The following SOX6 variants were observed in gnomAD, a reference collection of about 807,000 sequenced individuals.
SOX6 encodes the protein transcription factor SOX-6.
SOX6 carries 11 observed loss-of-function variants against 97.8 expected under a neutral mutation model. The observed-to-expected ratio is 0.11, with a 90% CI of 0.07 to 0.19. The LOEUF (loss-of-function observed/expected upper bound fraction) is 0.19. SOX6 is among the 10% of genes least tolerant of loss of function. The probability of loss-of-function intolerance (pLI) is 1.00; values close to 1 mark genes in which losing one functional copy is unlikely to be tolerated. For synonymous variants in SOX6, 360 were observed against 371.4 expected, an observed-to-expected ratio of 0.97 and a Z score of 0.35; for missense variants, 810 against 1,039.5, an observed-to-expected ratio of 0.78 and a Z score of 3.04.
At chr11:16,418,588 C>A (rs912192465) in intron 1 of SOX6, among the ~76,000 whole-genome samples, 6 of 152,100 alleles carry the variant, frequency 3.9e-5, no homozygotes, top group Non-Finnish European at 7.4e-5. Context: ...TGGCAGAGTT[C>A]CCCACATATT....
chr11:16,310,740 A>G (rs1232447408), intron 3 of SOX6, among the ~76,000 whole-genome samples: 1 of 152,104 alleles, frequency 6.6e-6, no homozygotes, highest in Non-Finnish European at 1.5e-5. Flanking sequence ...CTTATGCAAA[A>G]ACCCGAAACC....
chr11:16,431,024 C>T (rs1022478839), intron 1 of SOX6, among the ~76,000 whole-genome samples: 1 of 152,128 alleles, frequency 6.6e-6, no homozygotes, highest in Non-Finnish European at 1.5e-5. Flanking sequence ...TCTTCAAGTT[C>T]ATCAAGTTCA....
intron 4 of SOX6, among the ~76,000 whole-genome samples, chr11:16,523,644 G>A (rs1156875372): frequency 2.0e-5 from 3 of 152,096 alleles, no homozygotes; most frequent in Non-Finnish European, 4.4e-5. Flanking sequence ...GAGCAAAACT[G>A]AAGGAAATAG....
intron 2 of SOX6, among the ~76,000 whole-genome samples, chr11:16,720,550 G>A (rs1848252803): frequency 1.8e-5 from 2 of 113,222 alleles, no homozygotes; most frequent in Middle Eastern, 4.1e-3. Flanking sequence ...TTGTGGGGTG[G>A]GGGGAGGGGG....
intron 1 of SOX6, among the ~76,000 whole-genome samples, chr11:16,418,387 T>A (rs1858964912): frequency 6.6e-6 from 1 of 152,136 alleles, no homozygotes; most frequent in Non-Finnish European, 1.5e-5. Flanking sequence ...GATCAAGGAT[T>A]TTTTATCCTG....
chr11:16,713,547 TAA>T (rs1564875170), intron 3 of SOX6, among the ~76,000 whole-genome samples: 1 of 152,198 alleles, frequency 6.6e-6, no homozygotes, highest in Non-Finnish European at 1.5e-5. Flanking sequence ...CCTAAAAATT[TAA>T]GTTTTCCTAA....
intron 3 of SOX6, among the ~76,000 whole-genome samples, chr11:16,294,614 C>T (rs1015317024): frequency 1.9e-4 from 29 of 152,076 alleles, no homozygotes; most frequent in African/African-American, 7.0e-4. Context: ...AATGAAGTTG[C>T]CAGTTTTAAT....
At chr11:16,426,787 G>A (rs937579336) in intron 1 of SOX6, among the ~76,000 whole-genome samples, 8 of 150,272 alleles carry the variant, frequency 5.3e-5, no homozygotes, top group Non-Finnish European at 7.5e-5. Flanking sequence ...AGTGGCGGGC[G>A]CCTGTAGTCC....
chr11:16,696,058 T>C (rs1848051381), intron 3 of SOX6, among the ~76,000 whole-genome samples: 1 of 152,152 alleles, frequency 6.6e-6, no homozygotes, highest in South Asian at 2.1e-4. Flanking sequence ...ATCCAACAAC[T>C]ACAAAGCCAT....
intron 4 of SOX6, among the ~76,000 whole-genome samples, chr11:16,191,235 G>A (rs533523290): frequency 1.5e-4 from 23 of 152,206 alleles, no homozygotes; most frequent in African/African-American, 5.1e-4. Context: ...TGGGGGGATC[G>A]CTTGAAGCCC....
At chr11:16,008,311 A>G (rs1470831126) in intron 13 of SOX6, among the ~76,000 whole-genome samples, 1 of 152,108 alleles carries the variant, frequency 6.6e-6, no homozygotes, top group Admixed American at 6.6e-5. Flanking sequence ...ACGGCAGACT[A>G]TATTTCTATG....
At chr11:16,651,297 C>G (rs1225263672) in intron 3 of SOX6, among the ~76,000 whole-genome samples, 1 of 151,932 alleles carries the variant, frequency 6.6e-6, no homozygotes, top group Admixed American at 6.6e-5. Context: ...ACCCTAATTC[C>G]AAAACCAGGA....
chr11:16,341,047 C>T lies in SOX6; in HGVS notation c.202G>A (p.Asp68Asn), dbSNP rs142511858. 8.7e-4 allele frequency: 1,406 copies of T among 1,613,406 alleles called. 5 individuals carry two copies. The highest frequency in any genetic ancestry group is 8.3e-4 in the Middle Eastern group (5 of 6,052). Reference sequence around the variant, plus strand: ...TGAGATGACAGAACGCTGTCCCAGTCAGCATCTTGTTGAATGGTACTGACA... The same window carrying T: ...TGAGATGACAGAACGCTGTCCCAGTTAGCATCTTGTTGAATGGTACTGACA... ...TLVSTIQQDA[D>N]WDSVLSSQQR... is the part of the protein sequence containing the mutation. Residue 68 changes from aspartate (D) to asparagine (N), a missense_variant, in exon 2 of 16, where the codon GAC becomes AAC. Around this residue, in one of 9 missense-constraint regions of SOX6, gnomAD observed 100 missense variants for 94.6 expected, o/e 1.06. Coordinates refer to ENST00000683767, the MANE Select transcript of SOX6 (RefSeq NM_001367873.1).
chr11:16,611,675 A>G (rs1416307404), intron 4 of SOX6, among the ~76,000 whole-genome samples: 1 of 152,202 alleles, frequency 6.6e-6, no homozygotes. Flanking sequence ...AGAGGTCGGA[A>G]CTCGTGTTTC....
At chr11:16,508,080 C>T (rs944230317) in intron 4 of SOX6, among the ~76,000 whole-genome samples, 2 of 151,892 alleles carry the variant, frequency 1.3e-5, no homozygotes, top group Non-Finnish European at 1.5e-5. Context: ...AGGCAAAGGA[C>T]ATGAATACAT....
intron 3 of SOX6, among the ~76,000 whole-genome samples, chr11:16,664,913 T>C (rs1847795624): frequency 6.6e-6 from 1 of 151,894 alleles, no homozygotes; most frequent in Admixed American, 6.6e-5. Flanking sequence ...TTCCAGGCCC[T>C]AGCTCTTGGA....
intron 9 of SOX6, among the ~76,000 whole-genome samples, chr11:16,084,216 C>T (rs1848531421): frequency 6.6e-6 from 1 of 152,002 alleles, no homozygotes; most frequent in African/African-American, 2.4e-5. Flanking sequence ...TATGTACATA[C>T]ACACATGCTA....
At chr11:16,372,931 A>G (rs1170405952) in intron 1 of SOX6, among the ~76,000 whole-genome samples, 1 of 152,120 alleles carries the variant, frequency 6.6e-6, no homozygotes, top group East Asian at 1.9e-4. Context: ...TTATGCCATA[A>G]AAGTTCACAT....
intron 1 of SOX6, among the ~76,000 whole-genome samples, chr11:16,353,426 T>G (rs985780684): frequency 6.6e-5 from 10 of 152,052 alleles, no homozygotes; most frequent in Non-Finnish European, 1.5e-4. Context: ...GGACATGAAT[T>G]CTTATAAATT....
Sources: gnomAD v4.1 joint callset for allele counts (sites outside exome capture counted in the v4.1 genomes callset) on GRCh38, gnomAD v4.1.1 for gene constraint, gnomAD v4.1.1 regional missense constraint, MANE v1.5 for transcripts, NCBI Gene and HGNC (gene_info 2026-07-23, HGNC 2026-07-21) for gene names.